The following SMIM13 variants were observed in gnomAD, a reference collection of about 807,000 sequenced individuals.
SMIM13 encodes small integral membrane protein 13, also known as UPF0766 protein C6orf228.
In SMIM13, 3 loss-of-function variants were observed where a neutral mutation model predicts 5.9. That is an observed-to-expected ratio of 0.51 (90% CI 0.23 to 1.31). The LOEUF (loss-of-function observed/expected upper bound fraction) is 1.31. Ranked by LOEUF, SMIM13 falls within the 40% of genes most tolerant of loss-of-function variation. The pLI is 0.18. For missense variants in SMIM13, 85 were observed against 109.9 expected (o/e 0.77, Z 1.01); for synonymous variants, 55 against 46.0 (o/e 1.19, Z -0.79).
intron 1 of SMIM13, among the ~76,000 whole-genome samples, chr6:11,117,044 G>A (rs1758249510): frequency 7.9e-6 from 1 of 126,974 alleles, no homozygotes; most frequent in African/African-American, 3.0e-5. Flanking sequence ...AGGCTGGAGT[G>A]CAGTGGCGCG....
intron 1 of SMIM13, among the ~76,000 whole-genome samples, chr6:11,114,949 C>T (rs551565143): frequency 1.3e-5 from 2 of 152,122 alleles, no homozygotes; most frequent in African/African-American, 2.4e-5. Context: ...TGTTGCATTT[C>T]GAATGTGAAA....
At chr6:11,132,989 C>T (rs1006909001) in intron 1 of SMIM13, among the ~76,000 whole-genome samples, 10 of 152,192 alleles carry the variant, frequency 6.6e-5, no homozygotes, top group African/African-American at 2.4e-4. Flanking sequence ...CTATGGACAA[C>T]CACAACTGAC....
intron 1 of SMIM13, among the ~76,000 whole-genome samples, chr6:11,122,267 G>C (rs1397083950): frequency 6.6e-6 from 1 of 152,196 alleles, no homozygotes; most frequent in Non-Finnish European, 1.5e-5. Flanking sequence ...TTTGAAGTTC[G>C]AATGATCCCT....
chr6:11,132,019 A>G (rs534709599), intron 1 of SMIM13, among the ~76,000 whole-genome samples: 1 of 152,314 alleles, frequency 6.6e-6, no homozygotes, highest in East Asian at 1.9e-4. Context: ...TGCAAATCAT[A>G]TACCTGATAA....
At chr6:11,114,146 A>G (rs1758206020) in intron 1 of SMIM13, among the ~76,000 whole-genome samples, 2 of 150,810 alleles carry the variant, frequency 1.3e-5, no homozygotes, top group South Asian at 4.2e-4. Flanking sequence ...CGCCTGGCTG[A>G]TTTTTGTATT....
intron 1 of SMIM13, among the ~76,000 whole-genome samples, chr6:11,096,871 A>C (rs959449979): frequency 6.6e-6 from 1 of 151,972 alleles, no homozygotes. Flanking sequence ...TTCTGTTTTT[A>C]ATAGAGATGG....
At chr6:11,097,057 C>A (rs937235489) in intron 1 of SMIM13, among the ~76,000 whole-genome samples, 1 of 152,178 alleles carries the variant, frequency 6.6e-6, no homozygotes, top group Non-Finnish European at 1.5e-5. Flanking sequence ...AGGCTGATCT[C>A]GAGCTCCCGA....
At chr6:11,127,897 T>C (rs549661500) in intron 1 of SMIM13, among the ~76,000 whole-genome samples, 1 of 152,256 alleles carries the variant, frequency 6.6e-6, no homozygotes, top group East Asian at 1.9e-4. Flanking sequence ...TGTCAGGACT[T>C]AGTCTCTCCT....
chr6:11,127,134 C>A (rs1387593074), intron 1 of SMIM13, among the ~76,000 whole-genome samples: 1 of 152,224 alleles, frequency 6.6e-6, no homozygotes, highest in African/African-American at 2.4e-5. Context: ...TGACCACTGC[C>A]TGGCTGCCAC....
chr6:11,104,010 A>G (rs1376734572), intron 1 of SMIM13: 4 of 1,551,712 alleles, frequency 2.6e-6, no homozygotes, highest in East Asian at 2.4e-5. Flanking sequence ...TTTTTCATCT[A>G]AGGCCAAACA....
At chr6:11,133,213 A>G (rs1758472862) in intron 1 of SMIM13, among the ~76,000 whole-genome samples, 1 of 152,196 alleles carries the variant, frequency 6.6e-6, no homozygotes, top group Non-Finnish European at 1.5e-5. Context: ...CATTAAAATA[A>G]TATTTTACAA....
intron 1 of SMIM13, among the ~76,000 whole-genome samples, chr6:11,124,606 C>T (rs1264675011): frequency 1.3e-5 from 2 of 152,102 alleles, no homozygotes; most frequent in East Asian, 1.9e-4. Context: ...AGTGGTGTTA[C>T]TAATTTATGT....
At chr6:11,125,154 C>G (rs561313004) in intron 1 of SMIM13, among the ~76,000 whole-genome samples, 1 of 146,558 alleles carries the variant, frequency 6.8e-6, no homozygotes, top group Non-Finnish European at 1.5e-5. Context: ...GGTGTGCGCC[C>G]GTAAGGCCAG....
chr6:11,103,611 A>G (rs1758031651), intron 1 of SMIM13: 1 of 1,461,192 alleles, frequency 6.8e-7, no homozygotes, highest in African/African-American at 1.4e-5. Context: ...ATTGGCAAAA[A>G]CCATATCCAG....
At chr6:11,123,864 T>C (rs573689599) in intron 1 of SMIM13, among the ~76,000 whole-genome samples, 3 of 152,252 alleles carry the variant, frequency 2.0e-5, no homozygotes, top group South Asian at 4.1e-4. Context: ...CATTATTGTA[T>C]GTATTTTTTA....
intron 1 of SMIM13, among the ~76,000 whole-genome samples, chr6:11,107,423 T>C (rs1316643002): frequency 2.6e-5 from 4 of 152,330 alleles, no homozygotes; most frequent in African/African-American, 7.2e-5. Flanking sequence ...AGGTCATCCA[T>C]GTATTGTAGG....
intron 1 of SMIM13, chr6:11,103,496 C>T (rs1025472604): frequency 2.3e-5 from 17 of 737,848 alleles, no homozygotes; most frequent in South Asian, 1.3e-4. Context: ...GGAAAATGGA[C>T]GAAGGTCAGT....
At chr6:11,095,012 C>T (rs1330872211) in intron 1 of SMIM13, among the ~76,000 whole-genome samples, 2 of 152,190 alleles carry the variant, frequency 1.3e-5, no homozygotes. Flanking sequence ...AGAGGACGTT[C>T]AACTTTTTTC....
At chr6:11,132,680 C>T (rs568423146) in intron 1 of SMIM13, among the ~76,000 whole-genome samples, 53 of 152,224 alleles carry the variant, frequency 3.5e-4, no homozygotes, top group Non-Finnish European at 7.1e-4. Context: ...ACAGAGGCCA[C>T]GTATTGTATG....
Sources: gnomAD v4.1 joint callset for allele counts (sites outside exome capture counted in the v4.1 genomes callset) on GRCh38, gnomAD v4.1.1 for gene constraint, MANE v1.5 for transcripts, NCBI Gene and HGNC (gene_info 2026-07-23, HGNC 2026-07-21) for gene names.